Variants in GALNT18 observed in about 807,000 individuals in gnomAD.
The protein encoded by GALNT18 is polypeptide N-acetylgalactosaminyltransferase 18, also known as GalNAc-transferase 18.
Under a neutral mutation model 69.5 loss-of-function variants are expected in GALNT18, and 44 were observed. That is an observed-to-expected ratio of 0.63 (90% CI 0.50 to 0.81). The LOEUF is 0.81. Among genes scored for constraint, GALNT18 ranks in the 40% least tolerant of loss-of-function variants. The pLI is 0.00. For missense variants in GALNT18, 715 were observed against 810.0 expected (o/e 0.88, Z 1.42); for synonymous variants, 364 against 318.2 (o/e 1.14, Z -1.53).
intron 1 of GALNT18, among the ~76,000 whole-genome samples, chr11:11,498,643 C>T (rs897880697): frequency 1.3e-5 from 2 of 152,050 alleles, no homozygotes; most frequent in African/African-American, 4.8e-5. Context: ...TACTAAAATA[C>T]AAAAAATCAG....
intron 3 of GALNT18, among the ~76,000 whole-genome samples, chr11:11,384,862 C>T (rs1854011138): frequency 1.3e-5 from 2 of 152,220 alleles, no homozygotes; most frequent in Non-Finnish European, 2.9e-5. Flanking sequence ...TATGGAATAT[C>T]CATGCTACTG....
chr11:11,378,712 C>G (rs963369809), intron 4 of GALNT18, among the ~76,000 whole-genome samples: 2 of 152,232 alleles, frequency 1.3e-5, no homozygotes, highest in African/African-American at 4.8e-5. Flanking sequence ...TTCTGCCTCA[C>G]GTCTGGCCCA....
intron 10 of GALNT18, among the ~76,000 whole-genome samples, chr11:11,291,525 TCA>T (rs1175154469): frequency 1.3e-5 from 2 of 152,146 alleles, no homozygotes; most frequent in Non-Finnish European, 2.9e-5. Context: ...GGATAGAACT[TCA>T]CAGTTTACAG....
At position 11,614,287 on chromosome 11, in the gene GALNT18, A is replaced by G. The variant is rs1859989417; in HGVS notation, c.235+7072T>C. On this transcript the variant is annotated intron_variant, in intron 1 of 10. Coordinates refer to ENST00000227756, the MANE Select transcript of GALNT18 (RefSeq NM_198516.3). This position sits in a 1 kb window ranked among gnomAD's most constrained non-coding sequence, Gnocchi z 5.6. Reference sequence around the variant, plus strand: ...GAAGCTTACAATCACAGCAGAAGGTAACAGGGAAGCAGGTATGTCACATAG... The same window carrying G: ...GAAGCTTACAATCACAGCAGAAGGTGACAGGGAAGCAGGTATGTCACATAG... Among the ~76,000 whole-genome samples, 1 of 151,948 alleles carries G rather than the reference A, an allele frequency of 6.6e-6. No individual in the cohort carries two copies. Among genetic ancestry groups the G allele is most frequent in the African/African-American group, 2.4e-5 (1 of 41,334 alleles).
chr11:11,485,746 A>T (rs1856630774), intron 1 of GALNT18, among the ~76,000 whole-genome samples: 1 of 152,182 alleles, frequency 6.6e-6, no homozygotes, highest in Admixed American at 6.5e-5. Flanking sequence ...CATGAAGAAC[A>T]GGGGGCTTGC....
At position 11,590,844 on chromosome 11, in the gene GALNT18, C is replaced by T. The variant is rs145095338; in HGVS notation, c.235+30515G>A. Among the ~76,000 whole-genome samples the T allele has an allele frequency of 3.6e-4, 54 of 152,082 alleles. No individual in the cohort carries two copies. The highest frequency in any genetic ancestry group is 1.2e-4 in the Non-Finnish European group (8 of 67,990). ...TATGTAAACAAACCTACCGCACTAC[C>T]GGTCATATAAAAGTATAGAACATAC... is the stretch of plus-strand genomic sequence containing the variant. On this transcript the variant is annotated intron_variant, in intron 1 of 10. Coordinates refer to ENST00000227756, the MANE Select transcript of GALNT18 (RefSeq NM_198516.3). This position sits in a 1 kb window ranked among gnomAD's most constrained non-coding sequence, Gnocchi z 4.4.
chr11:11,538,254 G>A lies in GALNT18; in HGVS notation c.235+83105C>T, dbSNP rs888885518. 9.9e-5 allele frequency among the ~76,000 whole-genome samples: 15 copies of A among 152,262 alleles called. No individual in the cohort carries two copies. The highest frequency in any genetic ancestry group is 1.9e-4 in the East Asian group (1 of 5,162). ...GTTCTGAGCTCAAGGTCAGTGTTGC[G>A]AACAGCCCGCCCTGCCACCACCATC... On this transcript the variant is annotated intron_variant, in intron 1 of 10. Coordinates refer to ENST00000227756, the MANE Select transcript of GALNT18 (RefSeq NM_198516.3). The surrounding 1 kb of genome is among the most constrained non-coding windows in gnomAD (Gnocchi z 5.2).
intron 1 of GALNT18, among the ~76,000 whole-genome samples, chr11:11,503,679 A>T (rs575428267): frequency 3.3e-5 from 5 of 152,282 alleles, no homozygotes; most frequent in Non-Finnish European, 7.3e-5. Context: ...AAACTACTAC[A>T]GTGCCACAGT....
chr11:11,592,920 T>C lies in GALNT18; in HGVS notation c.235+28439A>G, dbSNP rs190230740. Among the ~76,000 whole-genome samples, 157 of 151,510 alleles carry C rather than the reference T, an allele frequency of 1.0e-3. No homozygotes were observed. The highest frequency in any genetic ancestry group is 2.0e-3 in the Admixed American group (31 of 15,276). The stretch of plus-strand genomic sequence containing the variant: ...CAGAGGACGCCCATGCTTCGCGTTG[T>C]TTTTTTCTGTTTGTTTTTTGTTTTT... On this transcript the variant is annotated intron_variant, in intron 1 of 10. Transcript: ENST00000227756. The surrounding 1 kb of genome is among the most constrained non-coding windows in gnomAD (Gnocchi z 5.9).
chr11:11,302,199 C>T (rs533451430), intron 9 of GALNT18, among the ~76,000 whole-genome samples: 1 of 152,280 alleles, frequency 6.6e-6, no homozygotes, highest in East Asian at 1.9e-4. Flanking sequence ...CACTTGTTAG[C>T]ACATCTGAGG....
In GALNT18 at chr11:11,415,089, C is replaced by A. The variant is rs1163821703; in HGVS notation, c.595+17532G>T. Among the ~76,000 whole-genome samples, 1 of 152,226 alleles carries A rather than the reference C, an allele frequency of 6.6e-6. No homozygotes were observed. The highest frequency in any genetic ancestry group is 1.5e-5 in the Non-Finnish European group (1 of 68,040). On this transcript the variant is annotated intron_variant, in intron 3 of 10. Coordinates refer to ENST00000227756, the MANE Select transcript of GALNT18 (RefSeq NM_198516.3). This position sits in a 1 kb window ranked among gnomAD's most constrained non-coding sequence, Gnocchi z 4.1. The stretch of plus-strand genomic sequence containing the variant: ...AACAAGAGGCTGCCCAATCTCCTTG[C>A]CGCATGGACAGTTCACAGCATGGGT...
At position 11,604,853 on chromosome 11, in the gene GALNT18, G is replaced by C. The variant is rs373251780; in HGVS notation, c.235+16506C>G. Among the ~76,000 whole-genome samples the C allele has an allele frequency of 6.6e-6, 1 of 151,974 alleles. No homozygotes were observed. Among genetic ancestry groups the C allele is most frequent in the Non-Finnish European group, 1.5e-5 (1 of 68,004 alleles). On this transcript the variant is annotated intron_variant, in intron 1 of 10. Transcript: ENST00000227756. This position sits in a 1 kb window ranked among gnomAD's most constrained non-coding sequence, Gnocchi z 5.6. Reference sequence around the variant, plus strand: ...TCCACTGGTCCCCCACACCCCAAAGGCTACACAATCTGTTTGAAATGAAAA... The same window carrying C: ...TCCACTGGTCCCCCACACCCCAAAGCCTACACAATCTGTTTGAAATGAAAA...
intron 10 of GALNT18, among the ~76,000 whole-genome samples, chr11:11,275,940 G>GT (rs1848936302): frequency 6.6e-6 from 1 of 152,194 alleles, no homozygotes; most frequent in African/African-American, 2.4e-5. Context: ...CTGTAGCCTT[G>GT]TAGTATAGTT....
intron 6 of GALNT18, among the ~76,000 whole-genome samples, chr11:11,351,322 T>G (rs1483905970): frequency 6.6e-6 from 1 of 152,034 alleles, no homozygotes; most frequent in South Asian, 2.1e-4. Flanking sequence ...GCCAGGGTGG[T>G]AGAGGAAAGG....
chr11:11,560,972 C>T (rs1383234084), intron 1 of GALNT18, among the ~76,000 whole-genome samples: 1 of 152,206 alleles, frequency 6.6e-6, no homozygotes, highest in African/African-American at 2.4e-5. Flanking sequence ...GTTCACACTT[C>T]TGCCATGGAA....
At chr11:11,451,202 A>C (rs1438581042) in intron 1 of GALNT18, among the ~76,000 whole-genome samples, 1 of 152,190 alleles carries the variant, frequency 6.6e-6, no homozygotes, top group Non-Finnish European at 1.5e-5. Context: ...AGGGTAGCAC[A>C]AGCATGCATG....
intron 1 of GALNT18, among the ~76,000 whole-genome samples, chr11:11,571,819 C>A (rs1369392669): frequency 1.3e-5 from 2 of 152,200 alleles, no homozygotes; most frequent in African/African-American, 4.8e-5. Flanking sequence ...GTCTGCATTT[C>A]CACAAGCTTC....
In GALNT18 at chr11:11,332,444, C is replaced by T. The variant is rs1850032839; in HGVS notation, c.1416+250G>A. Among the ~76,000 whole-genome samples, 2 of 152,114 alleles carry T rather than the reference C, an allele frequency of 1.3e-5. No homozygotes were observed. ...TATGTGTTTTATTAAGCGGAATATG[C>T]AGGTGTGGGGCCAGAGCTGAATTGC... On this transcript the variant is annotated intron_variant, in intron 8 of 10. Coordinates refer to ENST00000227756, the MANE Select transcript of GALNT18 (RefSeq NM_198516.3). This position sits in a 1 kb window ranked among gnomAD's most constrained non-coding sequence, Gnocchi z 4.3.
At chr11:11,535,040 C>T (rs886323102) in intron 1 of GALNT18, among the ~76,000 whole-genome samples, 2 of 152,292 alleles carry the variant, frequency 1.3e-5, no homozygotes, top group Non-Finnish European at 2.9e-5. Context: ...GTTAGCCTCT[C>T]TGAACCACCA....
Sources: allele counts gnomAD v4.1 joint callset (sites outside exome capture counted in the v4.1 genomes callset), GRCh38; gene constraint gnomAD v4.1.1; non-coding constraint Gnocchi (gnomAD v3.1); transcripts MANE v1.5; gene names NCBI Gene and HGNC (gene_info 2026-07-23, HGNC 2026-07-21).